Variants in SH2D4B observed in about 807,000 individuals in gnomAD.
SH2D4B encodes the protein SH2 domain-containing protein 4B.
A neutral mutation model predicts 61.5 loss-of-function variants in SH2D4B; 45 were observed. The ratio of observed to expected loss-of-function variants is 0.73; its 90% confidence interval spans 0.58 to 0.94. The LOEUF (loss-of-function observed/expected upper bound fraction) is 0.94, where lower values mean the gene tolerates loss of function less well. Among genes scored for constraint, SH2D4B ranks in the 40% least tolerant of loss-of-function variants. The pLI is 0.00. For synonymous variants in SH2D4B, 224 were observed against 220.4 expected, an observed-to-expected ratio of 1.02 and a Z score of -0.14; for missense variants, 572 against 574.2, an observed-to-expected ratio of 1.00 and a Z score of 0.04.
At chr10:80,573,183 G>T in intron 3 of SH2D4B, among the ~76,000 whole-genome samples, 1 of 144,220 alleles carries the variant, frequency 6.9e-6, no homozygotes, top group Non-Finnish European at 1.5e-5. Flanking sequence ...TAGAGACGGG[G>T]TTTTGTGTTA....
At chr10:80,555,637 G>A (rs915572557) in intron 1 of SH2D4B, among the ~76,000 whole-genome samples, 4 of 152,298 alleles carry the variant, frequency 2.6e-5, no homozygotes, top group South Asian at 2.1e-4. Flanking sequence ...CTGCTTTTCC[G>A]TTGAATGTCG....
rs991074637 is a variant in SH2D4B, at chr10:80,539,529, A to G, written c.184+1014A>G. 1.3e-5 allele frequency among the ~76,000 whole-genome samples: 2 copies of G among 151,998 alleles called. No homozygotes were observed. The highest frequency in any genetic ancestry group is 1.3e-4 in the Admixed American group (2 of 15,264). On this transcript the variant is annotated intron_variant, in intron 1 of 7. Transcript: ENST00000646907. The surrounding 1 kb of genome is among the most constrained non-coding windows in gnomAD (Gnocchi z 4.9). ...TCTGGTCTTCACATGAGTGGCTCTC[A>G]CCGTTGGGAATGTCCTTCTGCCTTC...
intron 6 of SH2D4B, among the ~76,000 whole-genome samples, chr10:80,629,031 A>AT (rs995846353): frequency 1.6e-4 from 24 of 148,858 alleles, no homozygotes; most frequent in Non-Finnish European, 3.1e-4. Context: ...CTCTATCTCA[A>AT]AAAAAAAAAA....
At chr10:80,574,584 A>G (rs1842101793) in intron 3 of SH2D4B, among the ~76,000 whole-genome samples, 1 of 152,242 alleles carries the variant, frequency 6.6e-6, no homozygotes, top group African/African-American at 2.4e-5. Context: ...TGAACCTGAG[A>G]GTCTGGCCAG....
chr10:80,636,956 A>G (rs1425693246), intron 7 of SH2D4B, among the ~76,000 whole-genome samples: 1 of 152,094 alleles, frequency 6.6e-6, no homozygotes, highest in Non-Finnish European at 1.5e-5. Context: ...ATCTTGAATT[A>G]ATTTTTGTAT....
intron 6 of SH2D4B, 138 bp downstream of exon 6, chr10:80,609,689 A>C: frequency 1.4e-6 from 2 of 1,399,884 alleles, no homozygotes; most frequent in Non-Finnish European, 2.0e-6. Flanking sequence ...TCCCTCTCCC[A>C]GTGGGAGTCC....
chr10:80,570,175 A>G lies in SH2D4B; in HGVS notation c.206A>G (p.Gln69Arg), dbSNP rs757755610. The change falls in exon 2 of 8, where the codon CAA becomes CGA. Residue 69 changes from glutamine to arginine, a missense_variant. Gln to Arg is a conservative substitution (Grantham distance 43, BLOSUM62 1). Transcript: ENST00000646907. ...GAAGCAGCGAGTGACAAGCACATCC[A>G]ATGGCTCCTAGGGGCAGATGGCGAG... is the stretch of plus-strand genomic sequence containing the variant. The part of the protein sequence containing the change: ...TKRAASDKHI[Q>R]WLLGADGEVW... The G allele has an allele frequency of 6.8e-6, 11 of 1,614,122 alleles. No individual in the cohort carries two copies. The South Asian group carries it at 1.2e-4, about 18-fold the overall frequency.
intron 6 of SH2D4B, among the ~76,000 whole-genome samples, chr10:80,629,036 A>AAAAAAAAAAAAAAAAAAAAG (rs142895629): frequency 6.9e-6 from 1 of 144,874 alleles, no homozygotes; most frequent in African/African-American, 2.7e-5. Context: ...TCTCAAAAAA[A>AAAAAAAAAAAAAAAAAAAAG]AAAAAGAAAA....
intron 1 of SH2D4B, among the ~76,000 whole-genome samples, chr10:80,545,850 T>C (rs528715254): frequency 6.6e-6 from 1 of 152,196 alleles, no homozygotes; most frequent in Admixed American, 6.5e-5. Context: ...ACATCAAAAA[T>C]CCTCACTAAA....
intron 3 of SH2D4B, among the ~76,000 whole-genome samples, chr10:80,584,362 A>G (rs1204214042): frequency 6.6e-6 from 1 of 152,194 alleles, no homozygotes; most frequent in Non-Finnish European, 1.5e-5. Flanking sequence ...TAACTTTTGT[A>G]TTGTCTGTTA....
rs1030157665 is a variant in SH2D4B at position 80,644,419 on chromosome 10, G to A, written c.*334G>A. 5.7e-5 allele frequency: 12 copies of A among 208,782 alleles called. No homozygotes were observed. Among genetic ancestry groups the A allele is most frequent in the African/African-American group, 2.7e-4 (12 of 43,714 alleles). The allele number at this position is 208,782 out of a possible 1,614,324, so 12.9% of individuals were successfully genotyped here. ...AATAATCCAAAATAATTCCAGTGCC[G>A]AACCCTGAATTTAACATATGGTAGA... On this transcript the variant is annotated 3_prime_UTR_variant, in exon 8 of 8. Coordinates refer to ENST00000646907, the MANE Select transcript of SH2D4B (RefSeq NM_001388272.1).
chr10:80,605,866 C>T (rs1193971454), intron 5 of SH2D4B, among the ~76,000 whole-genome samples: 1 of 152,194 alleles, frequency 6.6e-6, no homozygotes, highest in Non-Finnish European at 1.5e-5. Flanking sequence ...AAGCCATCTC[C>T]TCATCTATGC....
chr10:80,577,173 A>G (rs1488242590), intron 3 of SH2D4B, among the ~76,000 whole-genome samples: 4 of 152,162 alleles, frequency 2.6e-5, no homozygotes, highest in East Asian at 3.8e-4. Context: ...CTACTACCCT[A>G]CACTACACAC....
intron 6 of SH2D4B, among the ~76,000 whole-genome samples, chr10:80,632,478 C>T (rs968535684): frequency 6.6e-6 from 1 of 152,134 alleles, no homozygotes; most frequent in African/African-American, 2.4e-5. Context: ...TATAATTTGA[C>T]TGTAGTCTCC....
chr10:80,571,562 T>G lies in SH2D4B; in HGVS notation c.479T>G (p.Ile160Ser), dbSNP rs1222191703. 1.2e-6 allele frequency: 2 copies of G among 1,613,890 alleles called. No individual in the cohort carries two copies. Among genetic ancestry groups the G allele is most frequent in the Non-Finnish European group, 1.7e-6 (2 of 1,179,968 alleles). ...GCTGCCAAAGTCCTGGAGGAACGCA[T>G]CCACGAGGAATTCAAGGTGGGCCAG... ...RKAAKVLEER[I>S]HEEFKRKEEE... is the part of the protein sequence containing the mutation. Residue 160 changes from isoleucine to serine, a missense_variant, in exon 3 of 8, where the codon ATC (isoleucine) becomes AGC (serine). Transcript: ENST00000646907.
intron 1 of SH2D4B, among the ~76,000 whole-genome samples, chr10:80,559,047 T>C (rs893978204): frequency 6.6e-6 from 1 of 152,154 alleles, no homozygotes; most frequent in Non-Finnish European, 1.5e-5. Flanking sequence ...TCATTTCTAA[T>C]GGTATATATT....
At position 80,539,564 on chromosome 10, in the gene SH2D4B, A is replaced by ACAGAC. The variant is rs1379726572; in HGVS notation, c.184+1050_184+1054dup. On this transcript the variant is annotated intron_variant, in intron 1 of 7. Coordinates refer to ENST00000646907, the MANE Select transcript of SH2D4B (RefSeq NM_001388272.1). This position sits in a 1 kb window ranked among gnomAD's most constrained non-coding sequence, Gnocchi z 4.9. ...ATGTCCTTCTGCCTTCATCCACCTGACAGACTCCATCAGGAGTGGCCCCCC... is the reference window on the plus strand; with the variant it reads ...ATGTCCTTCTGCCTTCATCCACCTGACAGACCAGACTCCATCAGGAGTGGCCCCCC... Among the ~76,000 whole-genome samples, 1 of 152,102 alleles carries ACAGAC rather than the reference A, an allele frequency of 6.6e-6. No homozygotes were observed. Among genetic ancestry groups the ACAGAC allele is most frequent in the East Asian group, 1.9e-4 (1 of 5,184 alleles).
At chr10:80,542,930 G>T (rs1366232813) in intron 1 of SH2D4B, among the ~76,000 whole-genome samples, 2 of 152,156 alleles carry the variant, frequency 1.3e-5, no homozygotes, top group African/African-American at 4.8e-5. Context: ...CCTCATTCCA[G>T]CCAGCAGAGT....
At chr10:80,571,645 C>A in intron 3 of SH2D4B, 67 bp downstream of exon 3, 1 of 1,580,722 alleles carries the variant, frequency 6.3e-7, no homozygotes, top group East Asian at 2.2e-5. Flanking sequence ...TGGGGCTGAC[C>A]TCTGGTTTGG....
Sources: allele counts gnomAD v4.1 joint callset (sites outside exome capture counted in the v4.1 genomes callset), GRCh38; gene constraint gnomAD v4.1.1; non-coding constraint Gnocchi (gnomAD v3.1); transcripts MANE v1.5; gene names NCBI Gene and HGNC (gene_info 2026-07-23, HGNC 2026-07-21).